The following MAPK10 variants were observed in gnomAD, a reference collection of about 807,000 sequenced individuals.
The protein encoded by MAPK10 is mitogen-activated protein kinase 10.
MAPK10 carries 25 observed loss-of-function variants against 59.3 expected under a neutral mutation model. That is an observed-to-expected ratio of 0.42 (90% CI 0.31 to 0.59). MAPK10 has a LOEUF of 0.59. Among genes scored for constraint, MAPK10 ranks in the 20% least tolerant of loss-of-function variants. The pLI is 0.15. For synonymous variants in MAPK10, 190 were observed against 200.5 expected (o/e 0.95, Z 0.44); for missense variants, 351 against 568.9 (o/e 0.62, Z 3.90).
intron 3 of MAPK10, among the ~76,000 whole-genome samples, chr4:86,165,346 A>G (rs1338557631): frequency 6.6e-6 from 1 of 152,042 alleles, no homozygotes; most frequent in Non-Finnish European, 1.5e-5. Flanking sequence ...TCTATTTTAA[A>G]TATGTATCAA....
chr4:86,576,643 G>A (rs866588200), intron 1 of MAPK10, among the ~76,000 whole-genome samples: 31 of 152,048 alleles, frequency 2.0e-4, no homozygotes, highest in Middle Eastern at 3.4e-3. Flanking sequence ...GCGCGGTGGC[G>A]GGTGCCTGTA....
chr4:86,590,818 T>G (rs1260566478), intron 1 of MAPK10, among the ~76,000 whole-genome samples: 1 of 152,024 alleles, frequency 6.6e-6, no homozygotes, highest in Non-Finnish European at 1.5e-5. Flanking sequence ...CCCAAAAAAT[T>G]ATACTGGATA....
At chr4:86,192,428 C>T (rs1461232144) in intron 3 of MAPK10, 4 of 152,128 alleles carry the variant, frequency 2.6e-5, no homozygotes, top group African/African-American at 9.7e-5. Flanking sequence ...TAGGTTTGGT[C>T]TTTTCACATA....
chr4:86,270,570 C>A (rs751677906), intron 2 of MAPK10, among the ~76,000 whole-genome samples: 3 of 151,938 alleles, frequency 2.0e-5, no homozygotes, highest in Non-Finnish European at 2.9e-5. Context: ...AACACACAGG[C>A]CTTAAGTCAT....
intron 2 of MAPK10, among the ~76,000 whole-genome samples, chr4:86,215,697 C>A (rs1303997168): frequency 6.6e-6 from 1 of 152,062 alleles, no homozygotes; most frequent in Non-Finnish European, 1.5e-5. Flanking sequence ...CCCGTCTCTA[C>A]TAAAAATACA....
At chr4:86,538,016 A>G (rs752297913) in intron 1 of MAPK10, among the ~76,000 whole-genome samples, 1 of 152,194 alleles carries the variant, frequency 6.6e-6, no homozygotes, top group Non-Finnish European at 1.5e-5. Flanking sequence ...GTGTAGTAAG[A>G]TAATTCCTCC....
chr4:86,231,097 G>A (rs1279227956), intron 2 of MAPK10, among the ~76,000 whole-genome samples: 1 of 152,056 alleles, frequency 6.6e-6, no homozygotes, highest in Admixed American at 6.6e-5. Flanking sequence ...TGCAAGGAGG[G>A]GATTTTTAAT....
At chr4:86,184,789 G>A (rs182730315) in intron 3 of MAPK10, among the ~76,000 whole-genome samples, 582 of 152,290 alleles carry the variant, frequency 3.8e-3, no homozygotes, top group Non-Finnish European at 5.9e-3. Context: ...GCAGATGCCT[G>A]TGCCACATTT....
chr4:86,267,227 T>C, intron 2 of MAPK10, among the ~76,000 whole-genome samples: 1 of 152,226 alleles, frequency 6.6e-6, no homozygotes. Context: ...CATTTGATTA[T>C]GGAAAAATAA....
At chr4:86,546,114 T>C (rs1042009073) in intron 1 of MAPK10, among the ~76,000 whole-genome samples, 1 of 151,998 alleles carries the variant, frequency 6.6e-6, no homozygotes, top group African/African-American at 2.4e-5. Flanking sequence ...TCCCAGCTAC[T>C]TGGGAGGCTG....
chr4:86,496,277 G>T (rs1003643731), intron 1 of MAPK10, among the ~76,000 whole-genome samples: 2 of 152,076 alleles, frequency 1.3e-5, no homozygotes, highest in African/African-American at 4.8e-5. Flanking sequence ...GGTTCAGTTT[G>T]CCTCAGCTAC....
intron 4 of MAPK10, among the ~76,000 whole-genome samples, chr4:86,139,555 C>T (rs1161761781): frequency 3.9e-5 from 6 of 152,118 alleles, no homozygotes; most frequent in Admixed American, 6.5e-5. Context: ...AAGACTTAAA[C>T]GTTAGACCTA....
At chr4:86,127,835 T>C (rs974039836) in intron 4 of MAPK10, 2 of 152,112 alleles carry the variant, frequency 1.3e-5, no homozygotes, top group African/African-American at 4.8e-5. Flanking sequence ...CTGCATTCAT[T>C]TTAGCAGAGA....
chr4:86,352,965 T>C (rs1269087331), intron 2 of MAPK10, among the ~76,000 whole-genome samples: 2 of 152,202 alleles, frequency 1.3e-5, no homozygotes, highest in East Asian at 3.9e-4. Flanking sequence ...TAGTAAATGA[T>C]ACCTAGTATT....
chr4:86,413,190 G>A (rs1745420396), intron 1 of MAPK10, among the ~76,000 whole-genome samples: 1 of 152,152 alleles, frequency 6.6e-6, no homozygotes, highest in African/African-American at 2.4e-5. Context: ...GGAGTTTGCT[G>A]GAGGTCCACT....
At chr4:86,071,042 C>T (rs2047829985) in intron 9 of MAPK10, among the ~76,000 whole-genome samples, 2 of 151,716 alleles carry the variant, frequency 1.3e-5, no homozygotes, top group South Asian at 4.2e-4. Context: ...TCCACATCCT[C>T]TCCAGCACCT....
chr4:86,545,830 A>C (rs1008787585), intron 1 of MAPK10, among the ~76,000 whole-genome samples: 1 of 152,232 alleles, frequency 6.6e-6, no homozygotes, highest in Non-Finnish European at 1.5e-5. Context: ...CACATTTTAA[A>C]AAATTAGCCA....
intron 3 of MAPK10, chr4:86,164,455 G>C (rs532657946): frequency 3.1e-4 from 47 of 152,138 alleles, no homozygotes; most frequent in Admixed American, 2.8e-3. Context: ...TGAGTGGCAG[G>C]TTTTGATTTA....
intron 1 of MAPK10, among the ~76,000 whole-genome samples, chr4:86,508,366 G>C (rs1755961979): frequency 6.6e-6 from 1 of 152,110 alleles, no homozygotes; most frequent in African/African-American, 2.4e-5. Flanking sequence ...TTTGGGATCT[G>C]ATTTGGTTAT....
Sources: allele counts gnomAD v4.1 joint callset (sites outside exome capture counted in the v4.1 genomes callset), GRCh38; gene constraint gnomAD v4.1.1; transcripts MANE v1.5; gene names NCBI Gene and HGNC (gene_info 2026-07-23, HGNC 2026-07-21).